PCNX2: variants seen among roughly 807,000 people sequenced by gnomAD.
The protein encoded by PCNX2 is pecanex 2.
Under a neutral mutation model 223.8 loss-of-function variants are expected in PCNX2, and 168 were observed. That is an observed-to-expected ratio of 0.75 (90% confidence interval 0.66 to 0.85). The LOEUF (loss-of-function observed/expected upper bound fraction) is 0.85, where lower values mean the gene tolerates loss of function less well. Among genes scored for constraint, PCNX2 ranks in the 40% least tolerant of loss-of-function variants. The probability of loss-of-function intolerance (pLI) is 0.00; values close to 1 mark genes in which losing one functional copy is unlikely to be tolerated. For missense variants in PCNX2, 2,507 were observed against 2,675.5 expected (o/e 0.94, Z 1.39); for synonymous variants, 1,006 against 1,052.6 (o/e 0.96, Z 0.86).
At chr1:233,031,534 C>T (rs1294239711) in intron 25 of PCNX2, among the ~76,000 whole-genome samples, 1 of 152,200 alleles carries the variant, frequency 6.6e-6, no homozygotes, top group African/African-American at 2.4e-5. Flanking sequence ...TTAGACCAAG[C>T]CTCTATATAG....
At chr1:233,060,382 G>C (rs1672360679) in intron 23 of PCNX2, among the ~76,000 whole-genome samples, 1 of 152,168 alleles carries the variant, frequency 6.6e-6, no homozygotes, top group South Asian at 2.1e-4. Context: ...AAACTCCTTA[G>C]GGAACTAAAA....
intron 15 of PCNX2, among the ~76,000 whole-genome samples, chr1:233,198,316 C>T (rs1332101043): frequency 2.6e-5 from 4 of 152,220 alleles, no homozygotes; most frequent in Admixed American, 6.5e-5. Flanking sequence ...AGCGATATAA[C>T]ATGATGATTA....
At chr1:233,319,282 TCAC>T in the PCNX2 span, among the ~76,000 whole-genome samples, 30 of 152,338 alleles carry the variant, frequency 2.0e-4, no homozygotes, top group South Asian at 4.8e-3. Context: ...AGAGGTTTCT[TCAC>T]CACCAATTCC....
At chr1:233,325,425 G>A in the PCNX2 span, among the ~76,000 whole-genome samples, 710 of 151,700 alleles carry the variant, frequency 4.7e-3, 4 homozygotes, top group African/African-American at 0.016. Flanking sequence ...TTGGGAGGCC[G>A]AGGGGGGCGG....
chr1:233,297,720 G>A (rs1468257910), upstream of PCNX2, among the ~76,000 whole-genome samples: 1 of 152,190 alleles, frequency 6.6e-6, no homozygotes, highest in East Asian at 1.9e-4. Context: ...GCAAAGGTCA[G>A]TCTCCTGGGC....
chr1:233,127,032 G>A (rs1047493474), intron 21 of PCNX2, among the ~76,000 whole-genome samples: 1 of 151,956 alleles, frequency 6.6e-6, no homozygotes, highest in South Asian at 2.1e-4. Context: ...CTGCCACCTC[G>A]GTTCAAGTCC....
chr1:233,071,296 C>G (rs1672844163), intron 23 of PCNX2, among the ~76,000 whole-genome samples: 1 of 152,086 alleles, frequency 6.6e-6, no homozygotes, highest in African/African-American at 2.4e-5. Context: ...AGCTATTTTT[C>G]CTGATCCTCT....
intron 25 of PCNX2, among the ~76,000 whole-genome samples, chr1:233,041,264 C>A (rs1671635671): frequency 6.6e-6 from 1 of 152,180 alleles, no homozygotes; most frequent in South Asian, 2.1e-4. Flanking sequence ...TCACTAATCT[C>A]AAGTGAGTGT....
At chr1:233,312,571 T>C in the PCNX2 span, among the ~76,000 whole-genome samples, 1 of 152,208 alleles carries the variant, frequency 6.6e-6, no homozygotes, top group African/African-American at 2.4e-5. Flanking sequence ...TAACTTAAGC[T>C]ATTTCAGAAC....
chr1:233,042,554 C>T (rs754170734), intron 25 of PCNX2, among the ~76,000 whole-genome samples: 3 of 152,222 alleles, frequency 2.0e-5, no homozygotes, highest in Non-Finnish European at 4.4e-5. Flanking sequence ...ATCCAATCTC[C>T]TCCCTGGGAG....
intron 28 of PCNX2, among the ~76,000 whole-genome samples, chr1:233,005,174 C>G (rs1670236999): frequency 6.6e-6 from 1 of 152,164 alleles, no homozygotes; most frequent in African/African-American, 2.4e-5. Context: ...GGGATTTATT[C>G]AGGAAAGGAT....
intron 21 of PCNX2, among the ~76,000 whole-genome samples, chr1:233,132,024 C>T (rs150481074): frequency 0.011 from 1,616 of 151,710 alleles, 29 homozygotes; most frequent in African/African-American, 0.037. Flanking sequence ...GCAACCTCTT[C>T]CTCCCAGGTT....
At chr1:233,187,634 T>TC (rs149699768) in intron 15 of PCNX2, among the ~76,000 whole-genome samples, 2,212 of 152,284 alleles carry the variant, frequency 0.015, 31 homozygotes, top group South Asian at 0.044. Context: ...TCCTGTTTTT[T>TC]CCCCAAATCA....
chr1:233,111,655 C>T (rs370922874), intron 21 of PCNX2, among the ~76,000 whole-genome samples: 2 of 152,140 alleles, frequency 1.3e-5, no homozygotes, highest in East Asian at 1.9e-4. Flanking sequence ...CTGCCCACCT[C>T]GGCCTCCCAA....
chr1:233,202,076 A>G, intron 13 of PCNX2: 1 of 412,666 alleles, frequency 2.4e-6, no homozygotes, highest in Non-Finnish European at 4.9e-6. Flanking sequence ...GAATGGGAGG[A>G]AGAGGGAGTC....
chr1:233,200,370 T>C, intron 13 of PCNX2, 106 bp from the exon 14 acceptor site: 1 of 515,126 alleles, frequency 1.9e-6, no homozygotes, highest in Non-Finnish European at 3.3e-6. Flanking sequence ...CACCCAGGAA[T>C]ACTGGAGGCA....
At chr1:233,090,315 CACTT>C in intron 22 of PCNX2, 125 bp from the exon 23 acceptor site, 3 of 1,101,318 alleles carry the variant, frequency 2.7e-6, no homozygotes, top group Non-Finnish European at 3.9e-6. Context: ...AAAGAACACA[CACTT>C]AATCTCTCTA....
chr1:233,060,092 A>ACG (rs1672348742), intron 23 of PCNX2, among the ~76,000 whole-genome samples: 1 of 152,184 alleles, frequency 6.6e-6, no homozygotes, highest in Non-Finnish European at 1.5e-5. Context: ...ACTGTGTTAC[A>ACG]TTTCAGAAAG....
chr1:233,097,928 G>A (rs1674272709), intron 21 of PCNX2, among the ~76,000 whole-genome samples: 1 of 152,142 alleles, frequency 6.6e-6, no homozygotes. Flanking sequence ...ACCAACCAGG[G>A]CAAAAGTCTT....
Sources: gnomAD v4.1 joint callset for allele counts (sites outside exome capture counted in the v4.1 genomes callset) on GRCh38, gnomAD v4.1.1 for gene constraint, MANE v1.5 for transcripts, NCBI Gene and HGNC (gene_info 2026-07-23, HGNC 2026-07-21) for gene names.